RPS6KA5: variants seen among roughly 807,000 people sequenced by gnomAD.
The protein encoded by RPS6KA5 is ribosomal protein S6 kinase A5.
A neutral mutation model predicts 85.5 loss-of-function variants in RPS6KA5; 27 were observed. That is an observed-to-expected ratio of 0.32 (90% confidence interval 0.23 to 0.44). RPS6KA5 has a LOEUF of 0.44. Among genes scored for constraint, RPS6KA5 ranks in the 20% least tolerant of loss-of-function variants. The probability of loss-of-function intolerance (pLI) is 1.00; values close to 1 mark genes in which losing one functional copy is unlikely to be tolerated. For missense variants in RPS6KA5, 811 were observed against 980.9 expected (o/e 0.83, Z 2.31); for synonymous variants, 334 against 348.2 (o/e 0.96, Z 0.46).
rs2034893269 is a variant in RPS6KA5 at position 90,897,299 on chromosome 14, C to A, written c.1473+2030G>T. ...AAGAGGGAACCAGCTCTGGTGACAGCTTGACTTTAAGCCAATGGGCCTGAT... is the reference window on the plus strand; with the variant it reads ...AAGAGGGAACCAGCTCTGGTGACAGATTGACTTTAAGCCAATGGGCCTGAT... On this transcript the variant is annotated intron_variant, in intron 12 of 16. Coordinates refer to ENST00000614987, the MANE Select transcript of RPS6KA5 (RefSeq NM_004755.4). 1.3e-5 allele frequency among the ~76,000 whole-genome samples: 2 copies of A among 152,150 alleles called. 1 individual carries two copies. Among genetic ancestry groups the A allele is most frequent in the South Asian group, 4.1e-4 (2 of 4,820 alleles).
At chr14:91,018,115 C>T (rs2041581758) in intron 1 of RPS6KA5, among the ~76,000 whole-genome samples, 2 of 152,172 alleles carry the variant, frequency 1.3e-5, no homozygotes, top group Admixed American at 1.3e-4. Flanking sequence ...TGGGTCACCT[C>T]CCAGGTAAAA....
At chr14:90,971,032 C>T (rs2140453421) in intron 3 of RPS6KA5, among the ~76,000 whole-genome samples, 1 of 152,100 alleles carries the variant, frequency 6.6e-6, no homozygotes, top group African/African-American at 2.4e-5. Flanking sequence ...TTTATTGGAA[C>T]TTGGGCCAGG....
intron 2 of RPS6KA5, among the ~76,000 whole-genome samples, chr14:90,990,394 T>C (rs1194182458): frequency 6.6e-6 from 1 of 152,004 alleles, no homozygotes; most frequent in Non-Finnish European, 1.5e-5. Context: ...ACTGGTGAGG[T>C]TGTGGAGAAA....
In RPS6KA5 at chr14:90,948,718, A is replaced by C. The variant is rs191869456; in HGVS notation, c.395-1168T>G. ...TCAAAAAAAAAAACAAAAAAACCCCAAAAAACACAACAACAAAAAAAACCA... is the reference window on the plus strand; with the variant it reads ...TCAAAAAAAAAAACAAAAAAACCCCCAAAAACACAACAACAAAAAAAACCA... On this transcript the variant is annotated intron_variant, in intron 3 of 16. Coordinates refer to ENST00000614987, the MANE Select transcript of RPS6KA5 (RefSeq NM_004755.4). Among the ~76,000 whole-genome samples, 523 of 151,800 alleles carry C rather than the reference A, an allele frequency of 3.4e-3. 2 individuals carry two copies. Among genetic ancestry groups the C allele is most frequent in the Admixed American group, 7.1e-3 (108 of 15,228 alleles).
intron 2 of RPS6KA5, among the ~76,000 whole-genome samples, chr14:90,991,062 A>G (rs77378291): frequency 7.0e-4 from 106 of 152,336 alleles, no homozygotes; most frequent in Non-Finnish European, 1.4e-3. Context: ...AGTAGGCAGA[A>G]TATCAGGGTA....
intron 3 of RPS6KA5, among the ~76,000 whole-genome samples, chr14:90,962,158 T>C (rs2038828851): frequency 6.6e-6 from 1 of 152,238 alleles, no homozygotes; most frequent in South Asian, 2.1e-4. Context: ...TCTCCCCTTG[T>C]GTTCCACGGG....
intron 1 of RPS6KA5, among the ~76,000 whole-genome samples, chr14:91,016,349 A>T (rs1566867328): frequency 6.6e-6 from 1 of 152,034 alleles, no homozygotes; most frequent in East Asian, 1.9e-4. Flanking sequence ...TGGTCAATTA[A>T]TTTTTTTAAT....
chr14:90,935,246 C>G (rs1003056317), intron 5 of RPS6KA5, among the ~76,000 whole-genome samples: 10 of 152,020 alleles, frequency 6.6e-5, no homozygotes, highest in Non-Finnish European at 1.5e-5. Context: ...TTGAAAGTGG[C>G]ACTATTAGCT....
chr14:91,003,159 G>A (rs907838049), intron 1 of RPS6KA5, among the ~76,000 whole-genome samples: 2 of 151,754 alleles, frequency 1.3e-5, no homozygotes, highest in East Asian at 1.9e-4. Context: ...AATTACTCCT[G>A]GTTCTTACTA....
chr14:90,880,341 G>A (rs2033755088), intron 14 of RPS6KA5, among the ~76,000 whole-genome samples: 1 of 152,016 alleles, frequency 6.6e-6, no homozygotes, highest in Middle Eastern at 3.2e-3. Flanking sequence ...CTATGATTCT[G>A]AATACCCTAA....
At chr14:90,992,069 T>C (rs962209692) in intron 2 of RPS6KA5, among the ~76,000 whole-genome samples, 3 of 152,294 alleles carry the variant, frequency 2.0e-5, no homozygotes, top group Admixed American at 6.5e-5. Context: ...CTGATGAGTC[T>C]TTCCTATTAT....
chr14:90,933,882 G>T (rs778313664), intron 5 of RPS6KA5, among the ~76,000 whole-genome samples: 13 of 152,018 alleles, frequency 8.6e-5, no homozygotes, highest in Non-Finnish European at 1.5e-4. Flanking sequence ...ACCTTAAAGG[G>T]CCTTAATATT....
At chr14:90,940,602 C>A (rs1033571297) in intron 5 of RPS6KA5, among the ~76,000 whole-genome samples, 1 of 152,214 alleles carries the variant, frequency 6.6e-6, no homozygotes, top group Non-Finnish European at 1.5e-5. Context: ...ATCTGCCACA[C>A]ACACCTATAA....
chr14:90,905,482 T>C (rs926368347), intron 8 of RPS6KA5, among the ~76,000 whole-genome samples: 12 of 152,206 alleles, frequency 7.9e-5, no homozygotes, highest in Non-Finnish European at 1.6e-4. Context: ...TGGAAATAAC[T>C]AGCCAACTCA....
At chr14:90,950,210 CTTCA>C (rs1490755539) in intron 3 of RPS6KA5, among the ~76,000 whole-genome samples, 2 of 152,260 alleles carry the variant, frequency 1.3e-5, no homozygotes, top group Non-Finnish European at 2.9e-5. Flanking sequence ...ATGGTTTTAA[CTTCA>C]TTTTCAGACT....
rs370370631 is a variant in RPS6KA5, at chr14:90,875,082, C to T, written c.1996+119G>A. 2.7e-4 allele frequency: 254 copies of T among 955,242 alleles called. No homozygotes were observed. In the East Asian group the frequency reaches 2.9e-3, roughly 11 times the overall value. 59.2% of individuals were successfully genotyped at this position (955,242 alleles called of 1,614,324 possible). On this transcript the variant is annotated intron_variant, in intron 15 of 16. Transcript: ENST00000614987. ...AAGGCTGAAGAGAGTAGCCTGGAAG[C>T]CTTTTAGAATACACATGGATTCCTC...
rs902725189 is a variant in RPS6KA5 at position 90,864,869 on chromosome 14, C to G, written c.*7205G>C. On this transcript the variant is annotated 3_prime_UTR_variant, in exon 17 of 17. Transcript: ENST00000614987. ...GGTTAAAACCACAATCAAATATACA[C>G]ATTTGTCAGAGTGGCTAAACTACTA... is the stretch of plus-strand genomic sequence containing the variant. 2 of 152,330 alleles carry G rather than the reference C, an allele frequency of 1.3e-5. No homozygotes were observed. The highest frequency in any genetic ancestry group is 2.4e-5 in the African/African-American group (1 of 41,570). 9.4% of individuals were successfully genotyped at this position (152,330 alleles called of 1,614,324 possible).
chr14:90,933,659 A>G (rs573727978), intron 5 of RPS6KA5, among the ~76,000 whole-genome samples: 1 of 152,320 alleles, frequency 6.6e-6, no homozygotes, highest in South Asian at 2.1e-4. Flanking sequence ...CCAAAATAGG[A>G]GATCACTACT....
At position 90,900,807 on chromosome 14, in the gene RPS6KA5, A is replaced by G. The variant is rs1283316436; in HGVS notation, c.1120-71T>C. 13 of 1,358,312 alleles carry G rather than the reference A, an allele frequency of 9.6e-6. No homozygotes were observed. The East Asian group carries it at 2.8e-4, about 29-fold the overall frequency. The allele number at this position is 1,358,312 out of a possible 1,614,324, so 84.1% of individuals were successfully genotyped here. The stretch of plus-strand genomic sequence containing the variant: ...TCCAGTTTAACACAGATTAGATTGT[A>G]ATGACTTTTTTTCCTTAGAAAAACA... On this transcript the variant is annotated intron_variant, in intron 9 of 16. Coordinates refer to ENST00000614987, the MANE Select transcript of RPS6KA5 (RefSeq NM_004755.4).
Sources: allele counts gnomAD v4.1 joint callset (sites outside exome capture counted in the v4.1 genomes callset), GRCh38; gene constraint gnomAD v4.1.1; transcripts MANE v1.5; gene names NCBI Gene and HGNC (gene_info 2026-07-23, HGNC 2026-07-21).